Variants in KCNMB2 observed in about 807,000 individuals in gnomAD.
KCNMB2 encodes potassium calcium-activated channel subfamily M regulatory beta subunit 2, also known as calcium-activated potassium channel subunit beta-2.
Under a neutral mutation model 24.5 loss-of-function variants are expected in KCNMB2, and 9 were observed. The observed-to-expected ratio is 0.37, with a 90% CI of 0.22 to 0.64. The LOEUF is 0.64. KCNMB2 is among the 30% of genes least tolerant of loss of function. KCNMB2 has a pLI of 0.63. For missense variants in KCNMB2, 226 were observed against 284.3 expected (o/e 0.79, Z 1.47); for synonymous variants, 109 against 104.4 (o/e 1.04, Z -0.27).
At chr3:178,655,089 G>GCTCTCCCTCTCT in intron 1 of KCNMB2, among the ~76,000 whole-genome samples, 1 of 77,958 alleles carries the variant, frequency 1.3e-5, no homozygotes, top group East Asian at 4.0e-4. Flanking sequence ...GTAAATATTA[G>GCTCTCCCTCTCT]CTCTCCCTCT....
intron 1 of KCNMB2, among the ~76,000 whole-genome samples, chr3:178,683,279 T>C (rs2108321712): frequency 6.6e-6 from 1 of 151,760 alleles, no homozygotes; most frequent in Non-Finnish European, 1.5e-5. Flanking sequence ...ATTAGATACT[T>C]GAGGACATAA....
chr3:178,701,036 C>T (rs527641902), intron 1 of KCNMB2, among the ~76,000 whole-genome samples: 1 of 152,274 alleles, frequency 6.6e-6, no homozygotes, highest in South Asian at 2.1e-4. Flanking sequence ...TTGCCCATGC[C>T]TATGTCCTGA....
At chr3:178,558,525 A>C (rs1380747948) in intron 1 of KCNMB2, among the ~76,000 whole-genome samples, 2 of 152,198 alleles carry the variant, frequency 1.3e-5, no homozygotes, top group Non-Finnish European at 2.9e-5. Context: ...TCTGTATTTT[A>C]ATTTTTGTCA....
intron 1 of KCNMB2, among the ~76,000 whole-genome samples, chr3:178,746,619 C>G (rs1274177663): frequency 6.6e-6 from 1 of 152,186 alleles, no homozygotes; most frequent in African/African-American, 2.4e-5. Flanking sequence ...TTCCAAACTT[C>G]TATGCTCTGC....
intron 1 of KCNMB2, among the ~76,000 whole-genome samples, chr3:178,678,438 A>G (rs1721146567): frequency 6.6e-6 from 1 of 152,198 alleles, no homozygotes; most frequent in Non-Finnish European, 1.5e-5. Context: ...AAATTAGCCA[A>G]AGAGACATAA....
intron 4 of KCNMB2, among the ~76,000 whole-genome samples, chr3:178,836,345 CA>C (rs1715229426): frequency 6.6e-6 from 1 of 152,058 alleles, no homozygotes; most frequent in Non-Finnish European, 1.5e-5. Flanking sequence ...GTCAGTTCCC[CA>C]AAAATTGGAG....
intron 1 of KCNMB2, among the ~76,000 whole-genome samples, chr3:178,593,790 C>T (rs565199689): frequency 1.3e-5 from 2 of 151,032 alleles, no homozygotes; most frequent in East Asian, 1.9e-4. Flanking sequence ...TACATCTCCA[C>T]CTTAGATTCT....
intron 1 of KCNMB2, among the ~76,000 whole-genome samples, chr3:178,652,970 T>A (rs547358564): frequency 6.6e-6 from 1 of 152,286 alleles, no homozygotes; most frequent in South Asian, 2.1e-4. Context: ...GTCCTCTATA[T>A]ACTGTTTTAA....
At chr3:178,548,124 A>C (rs1715834516) in intron 1 of KCNMB2, among the ~76,000 whole-genome samples, 1 of 152,002 alleles carries the variant, frequency 6.6e-6, no homozygotes, top group Non-Finnish European at 1.5e-5. Flanking sequence ...AACCTCCTCA[A>C]CTCTACCCTC....
chr3:178,717,796 G>T (rs113305665), intron 1 of KCNMB2, among the ~76,000 whole-genome samples: 2,122 of 151,994 alleles, frequency 0.014, 53 homozygotes, highest in African/African-American at 0.048. Flanking sequence ...ACAGCCTCGG[G>T]ATAACCTGGG....
chr3:178,699,154 G>A (rs897209118), intron 1 of KCNMB2, among the ~76,000 whole-genome samples: 4 of 152,244 alleles, frequency 2.6e-5, no homozygotes, highest in Non-Finnish European at 5.9e-5. Flanking sequence ...TTGGCTTGGG[G>A]CAGGATGCTG....
intron 1 of KCNMB2, among the ~76,000 whole-genome samples, chr3:178,797,792 G>T (rs1713610076): frequency 6.6e-6 from 1 of 152,140 alleles, no homozygotes; most frequent in African/African-American, 2.4e-5. Context: ...GCATTTGTTT[G>T]TGTCCTCTGT....
chr3:178,618,423 A>G (rs2108524508), intron 1 of KCNMB2, among the ~76,000 whole-genome samples: 1 of 152,278 alleles, frequency 6.6e-6, no homozygotes, highest in Non-Finnish European at 1.5e-5. Flanking sequence ...ATCCTGCCCT[A>G]ATCCTTCTCT....
At chr3:178,783,705 G>A (rs1712972956) in intron 1 of KCNMB2, among the ~76,000 whole-genome samples, 1 of 151,830 alleles carries the variant, frequency 6.6e-6, no homozygotes, top group Admixed American at 6.6e-5. Context: ...GAGACAATGG[G>A]GTTTTCTAGA....
At chr3:178,827,810 G>T (rs1714892008) in intron 3 of KCNMB2, among the ~76,000 whole-genome samples, 1 of 152,158 alleles carries the variant, frequency 6.6e-6, no homozygotes, top group African/African-American at 2.4e-5. Flanking sequence ...CAGAGGTAGG[G>T]GCTGGAGCAT....
chr3:178,770,659 AT>A (rs750680282), intron 1 of KCNMB2, among the ~76,000 whole-genome samples: 1 of 152,246 alleles, frequency 6.6e-6, no homozygotes, highest in South Asian at 2.1e-4. Context: ...ATCAAAAAAA[AT>A]ATGTGAAAAT....
intron 1 of KCNMB2, among the ~76,000 whole-genome samples, chr3:178,556,563 C>A (rs1716131233): frequency 6.6e-6 from 1 of 152,142 alleles, no homozygotes; most frequent in Non-Finnish European, 1.5e-5. Context: ...TGCCACCACG[C>A]CCAGCTAATT....
At chr3:178,664,966 T>C (rs1720668161) in intron 1 of KCNMB2, among the ~76,000 whole-genome samples, 1 of 152,142 alleles carries the variant, frequency 6.6e-6, no homozygotes, top group South Asian at 2.1e-4. Flanking sequence ...ATGTGCTTCA[T>C]GTATCATACA....
intron 1 of KCNMB2, among the ~76,000 whole-genome samples, chr3:178,718,990 G>C (rs1185668867): frequency 6.6e-6 from 1 of 152,162 alleles, no homozygotes; most frequent in Non-Finnish European, 1.5e-5. Flanking sequence ...GACATCTAGA[G>C]GTAGGGCTGG....
Sources: allele counts gnomAD v4.1 joint callset (sites outside exome capture counted in the v4.1 genomes callset), GRCh38; gene constraint gnomAD v4.1.1; transcripts MANE v1.5; gene names NCBI Gene and HGNC (gene_info 2026-07-23, HGNC 2026-07-21).